CAPNS1: variants seen among roughly 807,000 people sequenced by gnomAD.
CAPNS1 encodes CANP small subunit.
Under a neutral mutation model 39.2 loss-of-function variants are expected in CAPNS1, and 32 were observed. The ratio of observed to expected loss-of-function variants is 0.82; its 90% CI spans 0.62 to 1.10. The LOEUF (loss-of-function observed/expected upper bound fraction) is 1.10. CAPNS1 is among the 50% of genes least tolerant of loss of function. The pLI is 0.00. For missense variants in CAPNS1, 353 were observed against 373.1 expected, an observed-to-expected ratio of 0.95 and a Z score of 0.44; for synonymous variants, 153 against 136.2, an observed-to-expected ratio of 1.12 and a Z score of -0.86.
chr19:36,142,396 G>A lies in CAPNS1; in HGVS notation c.243+63G>A, dbSNP rs368617165. ...AAGGCCTCTTCGAGGTCCCATCCCT[G>A]TTCCTGTAGAGAAGCCCCACCTTCC... On this transcript the variant is annotated intron_variant, in intron 3 of 10. Coordinates refer to ENST00000246533, the MANE Select transcript of CAPNS1 (RefSeq NM_001749.4). 198 of 832,702 alleles carry A rather than the reference G, an allele frequency of 2.4e-4. No individual in the cohort carries two copies. In the African/African-American group the frequency reaches 3.1e-3, roughly 13 times the overall value. 51.6% of individuals were successfully genotyped at this position (832,702 alleles called of 1,614,324 possible).
intron 9 of CAPNS1, among the ~76,000 whole-genome samples, chr19:36,148,695 C>T (rs1198077345): frequency 1.3e-5 from 2 of 151,930 alleles, no homozygotes; most frequent in Non-Finnish European, 2.9e-5. Context: ...CGCCTGTAGT[C>T]CCAGCTACTC....
chr19:36,149,789 C>T, intron 10 of CAPNS1, 24 bp from the exon 11 acceptor site: 3 of 1,556,468 alleles, frequency 1.9e-6, no homozygotes, highest in African/African-American at 1.4e-5. Flanking sequence ...TCCCTGTCCT[C>T]ACTCTCCACC....
At chr19:36,145,757 T>G in intron 6 of CAPNS1, 49 bp from the exon 7 acceptor site, 1 of 1,467,678 alleles carries the variant, frequency 6.8e-7, no homozygotes. Flanking sequence ...GTGCATGTGA[T>G]GCATGCATCT....
intron 9 of CAPNS1, among the ~76,000 whole-genome samples, chr19:36,148,679 G>A (rs1165761565): frequency 6.6e-6 from 1 of 151,996 alleles, no homozygotes; most frequent in East Asian, 1.9e-4. Flanking sequence ...CAGGCGTGGT[G>A]GTGCACGCCT....
chr19:36,143,843 A>G (rs1192710333), intron 6 of CAPNS1, among the ~76,000 whole-genome samples: 2 of 148,964 alleles, frequency 1.3e-5, no homozygotes, highest in Non-Finnish European at 3.0e-5. Flanking sequence ...AGCCTGGGCG[A>G]CAGAGCCAGA....
At position 36,142,964 on chromosome 19, in the gene CAPNS1, G is replaced by C; in HGVS notation, c.389G>C (p.Arg130Pro). Reference sequence around the variant, plus strand: ...AACATTCTCAATAAGGTTGTGACACGACGTAAGTGACCGGGGTTAAGGAAT... The same window carrying C: ...AACATTCTCAATAAGGTTGTGACACCACGTAAGTGACCGGGGTTAAGGAAT... ...LMNILNKVVTRHPDLKTDGFG... is the reference protein window; with the variant it reads ...LMNILNKVVTPHPDLKTDGFG... The change falls in exon 5 of 11, where the codon CGA becomes CCA. Residue 130 changes from arginine (R) to proline (P), a missense_variant and splice_region_variant. Arg to Pro is a moderately radical substitution (Grantham distance 103). Transcript: ENST00000246533. The C allele has an allele frequency of 6.2e-7, 1 of 1,614,166 alleles. No individual in the cohort carries two copies. Among genetic ancestry groups the C allele is most frequent in the Non-Finnish European group, 8.5e-7 (1 of 1,180,016 alleles).
chr19:36,147,537 A>C (rs967454892), intron 9 of CAPNS1, among the ~76,000 whole-genome samples: 5 of 151,124 alleles, frequency 3.3e-5, no homozygotes, highest in East Asian at 2.0e-4. Flanking sequence ...GAGGCCGAGG[A>C]GGGCGGATCA....
intron 3 of CAPNS1, 96 bp from the exon 4 acceptor site, chr19:36,142,556 A>G: frequency 1.1e-6 from 1 of 934,408 alleles, no homozygotes; most frequent in South Asian, 1.4e-5. Flanking sequence ...CAAGCTGCCC[A>G]GCCCACTCTG....
intron 9 of CAPNS1, 94 bp from the exon 10 acceptor site, chr19:36,149,484 A>G: frequency 1.6e-6 from 2 of 1,225,878 alleles, no homozygotes; most frequent in Non-Finnish European, 2.2e-6. Flanking sequence ...GCCAGCTGCT[A>G]TGATTGTCAT....
intron 1 of CAPNS1, 108 bp from the exon 2 acceptor site, chr19:36,140,889 C>T (rs1255659042): frequency 1.3e-5 from 20 of 1,542,484 alleles, no homozygotes; most frequent in Non-Finnish European, 1.7e-5. Context: ...CAGACCCCCA[C>T]CCGGAGGCTT....
intron 2 of CAPNS1, chr19:36,141,828 G>A (rs759870745): frequency 3.9e-4 from 79 of 204,314 alleles, no homozygotes; most frequent in Non-Finnish European, 6.8e-4. Flanking sequence ...GGGACCAATG[G>A]CTGGGGTAGG....
intron 9 of CAPNS1, among the ~76,000 whole-genome samples, chr19:36,147,698 G>A (rs191480111): frequency 2.0e-5 from 3 of 152,014 alleles, no homozygotes; most frequent in East Asian, 1.9e-4. Context: ...CCCAGGAGGC[G>A]GAGCTTGCAG....
At chr19:36,145,737 C>G in intron 6 of CAPNS1, 69 bp from the exon 7 acceptor site, 1 of 1,360,804 alleles carries the variant, frequency 7.3e-7, no homozygotes. Flanking sequence ...GTATCACCAT[C>G]GTGTCCACAG....
intron 9 of CAPNS1, 111 bp from the exon 10 acceptor site, chr19:36,149,467 G>A (rs1974694229): frequency 1.9e-6 from 2 of 1,056,848 alleles, no homozygotes; most frequent in East Asian, 5.9e-5. Flanking sequence ...TAAATACTCA[G>A]TGAAGTGCCA....
chr19:36,141,520 T>C, intron 2 of CAPNS1: 1 of 1,216,226 alleles, frequency 8.2e-7, no homozygotes. Context: ...GGCTTATGGG[T>C]CTGGGCTCAG....
At chr19:36,145,904 C>T (rs1974546350) in intron 7 of CAPNS1, 30 bp downstream of exon 7, 1 of 1,612,976 alleles carries the variant, frequency 6.2e-7, no homozygotes, top group Non-Finnish European at 8.5e-7. Context: ...ATCCCTGGCA[C>T]CCAGACCCCC....
rs199893278 is a variant in CAPNS1 at position 36,143,021 on chromosome 19, G to A, written c.392-43G>A. ...GATTCAGAGGCAGAGGGGTCAGAGAGGATTTGACCTCTGGCCTCTGACTTT... is the reference window on the plus strand; with the variant it reads ...GATTCAGAGGCAGAGGGGTCAGAGAAGATTTGACCTCTGGCCTCTGACTTT... On this transcript the variant is annotated intron_variant, in intron 5 of 10. Coordinates refer to ENST00000246533, the MANE Select transcript of CAPNS1 (RefSeq NM_001749.4). 3.9e-4 allele frequency: 624 copies of A among 1,611,450 alleles called. 3 individuals are homozygous for A. The highest frequency in any genetic ancestry group is 2.6e-3 in the Middle Eastern group (16 of 6,062).
intron 6 of CAPNS1, among the ~76,000 whole-genome samples, chr19:36,143,671 C>A (rs1296956513): frequency 1.4e-5 from 2 of 147,570 alleles, no homozygotes; most frequent in Non-Finnish European, 3.0e-5. Context: ...ACCATCCTGG[C>A]TAACACAGTG....
At chr19:36,145,174 G>A (rs1177081079) in intron 6 of CAPNS1, among the ~76,000 whole-genome samples, 1 of 145,434 alleles carries the variant, frequency 6.9e-6, no homozygotes, top group Admixed American at 6.9e-5. Flanking sequence ...ATGAAATTGA[G>A]TTACTGTCAA....
Sources: allele counts gnomAD v4.1 joint callset (sites outside exome capture counted in the v4.1 genomes callset), GRCh38; gene constraint gnomAD v4.1.1; transcripts MANE v1.5; gene names NCBI Gene and HGNC (gene_info 2026-07-23, HGNC 2026-07-21).